The following SCUBE2 variants were observed in gnomAD, a reference collection of about 807,000 sequenced individuals.
The protein encoded by SCUBE2 is signal peptide, CUB domain and EGF like domain containing 2.
A neutral mutation model predicts 125.9 loss-of-function variants in SCUBE2; 114 were observed. The observed-to-expected ratio is 0.91, with a 90% CI of 0.78 to 1.06. SCUBE2 has a LOEUF of 1.06. SCUBE2 is among the 50% of genes least tolerant of loss of function. The pLI is 0.00. For missense variants in SCUBE2, 1,255 were observed against 1,301.8 expected (o/e 0.96, Z 0.55); for synonymous variants, 459 against 492.9 (o/e 0.93, Z 0.91).
At chr11:9,050,532 C>T (rs1235273383) in intron 14 of SCUBE2, 74 bp downstream of exon 14, 1 of 1,172,114 alleles carries the variant, frequency 8.5e-7, no homozygotes, top group East Asian at 2.3e-5. Flanking sequence ...CCCCCATGGA[C>T]CTCCAGCTCG....
intron 19 of SCUBE2, among the ~76,000 whole-genome samples, chr11:9,028,895 A>G (rs545716491): frequency 1.3e-5 from 2 of 152,298 alleles, no homozygotes; most frequent in South Asian, 4.1e-4. Context: ...ATGAGGTAGC[A>G]AGCTTCCTGT....
chr11:9,049,095 T>C (rs1259920585), intron 14 of SCUBE2, among the ~76,000 whole-genome samples: 1 of 152,232 alleles, frequency 6.6e-6, no homozygotes, highest in Non-Finnish European at 1.5e-5. Flanking sequence ...AGTAGATTTA[T>C]AGAAAAGTTG....
At chr11:9,024,480 C>T in intron 21 of SCUBE2, 1 of 1,168,084 alleles carries the variant, frequency 8.6e-7, no homozygotes, top group Non-Finnish European at 1.1e-6. Context: ...TATTGTCTTC[C>T]CAAACAATTT....
chr11:9,046,001 C>CTTT (rs58572754), intron 16 of SCUBE2, among the ~76,000 whole-genome samples: 263 of 91,712 alleles, frequency 2.9e-3, no homozygotes, highest in Non-Finnish European at 4.2e-3. Context: ...GTCTTTCTTT[C>CTTT]TTTTTTTTTT....
intron 14 of SCUBE2, 69 bp downstream of exon 14, chr11:9,050,537 A>G: frequency 8.0e-7 from 1 of 1,246,546 alleles, no homozygotes. Context: ...ATGGACCTCC[A>G]GCTCGGCTGG....
At chr11:9,090,493 T>TA (rs1862587722) in intron 1 of SCUBE2, 1 of 45,392 alleles carries the variant, frequency 2.2e-5, no homozygotes, top group Non-Finnish European at 9.9e-5. Flanking sequence ...TTATTTATTT[T>TA]TTTTTTTTGC....
chr11:9,053,381 T>C (rs2135472992), intron 11 of SCUBE2, among the ~76,000 whole-genome samples, 166 bp from the exon 12 acceptor site: 1 of 152,382 alleles, frequency 6.6e-6, no homozygotes, highest in South Asian at 2.1e-4. Context: ...AAGGAGCCCC[T>C]GATATGCCAT....
rs1564821750 is a variant in SCUBE2, at chr11:9,053,646, C to G, written c.1321G>C (p.Asp441His). 1 of 1,614,016 alleles carries G rather than the reference C, an allele frequency of 6.2e-7. No individual in the cohort carries two copies. The change falls in exon 11 of 23, where the codon GAC becomes CAC. Residue 441 changes from aspartate (D) to histidine (H), a missense_variant. By Grantham distance (81) the Asp-to-His change is moderately conservative. Coordinates refer to ENST00000649792, the MANE Select transcript of SCUBE2 (RefSeq NM_001367977.2). ...PGYKLHWNKK[D>H]CVEVKGLLPT... ...CCTCGGTTCCCCTTACCCACACAGT[C>G]TTTTTTATTCCAGTGGAGCTTGTAC...
Position 9,053,737 on chromosome 11 carries a change from G to T in SCUBE2, c.1230C>A (p.Asn410Lys). Residue 410 changes from asparagine (N) to lysine (K), a missense_variant, in exon 11 of 23, where the codon AAC becomes AAA. By Grantham distance (94) the Asn-to-Lys change is moderately conservative (BLOSUM62 0). Transcript: ENST00000649792. Reference sequence around the variant, plus strand: ...CACAGACCTGCTGACAGCCTCCGTTGTTGATGCTGCACTCATTGGTGTCTG... The same window carrying T: ...CACAGACCTGCTGACAGCCTCCGTTTTTGATGCTGCACTCATTGGTGTCTG... The part of the protein sequence containing the change: ...HCGDTNECSI[N>K]NGGCQQVCVN... The T allele has an allele frequency of 6.2e-7, 1 of 1,614,148 alleles. No individual in the cohort carries two copies.
intron 19 of SCUBE2, among the ~76,000 whole-genome samples, chr11:9,028,479 CCA>C (rs1434881005): frequency 6.6e-6 from 1 of 152,196 alleles, no homozygotes; most frequent in Non-Finnish European, 1.5e-5. Flanking sequence ...CCCACAGCAC[CCA>C]GCTGCATCTT....
intron 16 of SCUBE2, among the ~76,000 whole-genome samples, chr11:9,046,632 A>G (rs1325758728): frequency 6.6e-6 from 1 of 152,208 alleles, no homozygotes; most frequent in African/African-American, 2.4e-5. Flanking sequence ...AACTCTCCCC[A>G]CTATTTTAGT....
At chr11:9,072,875 T>C (rs1274365670) in intron 4 of SCUBE2, among the ~76,000 whole-genome samples, 1 of 152,218 alleles carries the variant, frequency 6.6e-6, no homozygotes, top group Non-Finnish European at 1.5e-5. Flanking sequence ...TTGTATTTGC[T>C]TCTGGTATGA....
At chr11:9,066,515 G>C (rs1860246817) in intron 6 of SCUBE2, among the ~76,000 whole-genome samples, 182 bp downstream of exon 6, 1 of 152,250 alleles carries the variant, frequency 6.6e-6, no homozygotes, top group South Asian at 2.1e-4. Flanking sequence ...CACACAGGGA[G>C]AGAGGGGCCT....
intron 16 of SCUBE2, among the ~76,000 whole-genome samples, chr11:9,045,220 T>C (rs922780928): frequency 6.6e-6 from 1 of 152,156 alleles, no homozygotes; most frequent in Admixed American, 6.5e-5. Context: ...TATATGTGCA[T>C]AAAAACAGTT....
chr11:9,082,486 G>T (rs1000866689), intron 2 of SCUBE2, among the ~76,000 whole-genome samples: 12 of 152,056 alleles, frequency 7.9e-5, no homozygotes, highest in Non-Finnish European at 1.5e-4. Context: ...ATACCCAGAA[G>T]AAATGAAAAT....
In SCUBE2 at chr11:9,076,718, T is replaced by C. The variant is rs1035510822; in HGVS notation, c.383-2103A>G. Among the ~76,000 whole-genome samples, 3 of 152,176 alleles carry C rather than the reference T, an allele frequency of 2.0e-5. No individual in the cohort carries two copies. In the South Asian group the frequency reaches 6.2e-4, roughly 31 times the overall value. ...AATAATAAAACCTCACATTTAAATA[T>C]CTGTTATCTGGTTTCAAGCTTCAGA... On this transcript the variant is annotated intron_variant, in intron 3 of 22. Transcript: ENST00000649792.
intron 5 of SCUBE2, among the ~76,000 whole-genome samples, chr11:9,067,075 A>G (rs1002784580): frequency 3.9e-5 from 6 of 152,178 alleles, no homozygotes; most frequent in Non-Finnish European, 8.8e-5. Flanking sequence ...GAGTTGGGGG[A>G]GAGACTTTTA....
At chr11:9,032,472 G>A (rs1377622125) in intron 17 of SCUBE2, among the ~76,000 whole-genome samples, 3 of 152,078 alleles carry the variant, frequency 2.0e-5, no homozygotes, top group Non-Finnish European at 2.9e-5. Context: ...AGTGGCTCAC[G>A]CCTGTAATAC....
intron 19 of SCUBE2, 94 bp downstream of exon 19, chr11:9,029,790 C>A (rs760478280): frequency 1.9e-5 from 26 of 1,373,046 alleles, no homozygotes; most frequent in East Asian, 1.6e-4. Flanking sequence ...TCTGAGTGAA[C>A]CTGGGACCTC....
Sources: gnomAD v4.1 joint callset for allele counts (sites outside exome capture counted in the v4.1 genomes callset) on GRCh38, gnomAD v4.1.1 for gene constraint, MANE v1.5 for transcripts, NCBI Gene and HGNC (gene_info 2026-07-23, HGNC 2026-07-21) for gene names.